TTC7B: variants seen among roughly 807,000 people sequenced by gnomAD.
The protein encoded by TTC7B is tetratricopeptide repeat domain 7B.
In TTC7B, 28 loss-of-function variants were observed where a neutral mutation model predicts 106.8. That is an observed-to-expected ratio of 0.26 (90% confidence interval 0.19 to 0.36). TTC7B has a LOEUF of 0.36. Among genes scored for constraint, TTC7B ranks in the 10% least tolerant of loss-of-function variants. The probability of loss-of-function intolerance (pLI) is 1.00; values close to 1 mark genes in which losing one functional copy is unlikely to be tolerated. For synonymous variants in TTC7B, 405 were observed against 430.6 expected (o/e 0.94, Z 0.74); for missense variants, 862 against 1,076.4 (o/e 0.80, Z 2.79).
At chr14:90,804,229 G>A (rs1252741288) in intron 1 of TTC7B, among the ~76,000 whole-genome samples, 2 of 152,086 alleles carry the variant, frequency 1.3e-5, no homozygotes, top group Non-Finnish European at 2.9e-5. Flanking sequence ...AGCTACTCGG[G>A]AGGCTGAGGC....
At chr14:90,593,836 G>A (rs759282893) in intron 17 of TTC7B, 5 of 444,926 alleles carry the variant, frequency 1.1e-5, no homozygotes, top group Non-Finnish European at 2.0e-5. Flanking sequence ...TCAACAAACA[G>A]AGCACATGCC....
intron 9 of TTC7B, 27 bp from the exon 10 acceptor site, chr14:90,658,414 G>A: frequency 6.3e-7 from 1 of 1,599,504 alleles, no homozygotes; most frequent in Non-Finnish European, 8.6e-7. Flanking sequence ...AACAAATGCA[G>A]ACATCTGAGA....
chr14:90,736,150 C>CTA (rs36062485), intron 4 of TTC7B, among the ~76,000 whole-genome samples: 6,013 of 146,564 alleles, frequency 0.041, 293 homozygotes, highest in African/African-American at 0.12. Flanking sequence ...TAATTTAGAG[C>CTA]TATATATATA....
At chr14:90,598,754 T>C (rs1444191161) in intron 17 of TTC7B, among the ~76,000 whole-genome samples, 1 of 152,240 alleles carries the variant, frequency 6.6e-6, no homozygotes, top group Non-Finnish European at 1.5e-5. Flanking sequence ...ATGACACCTA[T>C]GGTGAATTTC....
At chr14:90,799,941 T>C (rs1394828707) in intron 1 of TTC7B, among the ~76,000 whole-genome samples, 1 of 152,098 alleles carries the variant, frequency 6.6e-6, no homozygotes, top group Non-Finnish European at 1.5e-5. Context: ...GCCATTCTCC[T>C]GCCTCAGCCT....
At chr14:90,703,184 C>T (rs1198697885) in intron 5 of TTC7B, among the ~76,000 whole-genome samples, 1 of 152,152 alleles carries the variant, frequency 6.6e-6, no homozygotes, top group African/African-American at 2.4e-5. Context: ...CAATTAGCTG[C>T]ACAGAACACT....
intron 3 of TTC7B, among the ~76,000 whole-genome samples, chr14:90,756,384 G>GTTTTTTTTTTTTTTTTTTTT (rs369068692): frequency 7.9e-6 from 1 of 126,780 alleles, no homozygotes; most frequent in Non-Finnish European, 1.6e-5. Context: ...TTTTTTTTTT[G>GTTTTTTTTTTTTTTTTTTTT]TTTTTTTTTT....
At chr14:90,716,923 A>AG (rs1888678612) in intron 5 of TTC7B, among the ~76,000 whole-genome samples, 2 of 152,222 alleles carry the variant, frequency 1.3e-5, no homozygotes, top group Admixed American at 1.3e-4. Context: ...AAGAGCTAGC[A>AG]GAAAAAAAGA....
intron 2 of TTC7B, among the ~76,000 whole-genome samples, chr14:90,785,528 G>C (rs1891357091): frequency 6.6e-6 from 1 of 152,088 alleles, no homozygotes; most frequent in African/African-American, 2.4e-5. Context: ...AAGAGGAGAT[G>C]ACCCCCATGA....
At chr14:90,603,928 G>C (rs1892533974) in intron 17 of TTC7B, among the ~76,000 whole-genome samples, 1 of 152,194 alleles carries the variant, frequency 6.6e-6, no homozygotes, top group Admixed American at 6.5e-5. Flanking sequence ...ACTCCCTGAG[G>C]ATGGAAAGAT....
rs1208485832 is a variant in TTC7B, at chr14:90,657,779, AAC to A, written c.1237-503_1237-502del. ...TGGTGTAGCATCTCATTCTCCTGATAACACATCTATGGAGCAGGTGCTGTTCT... is the reference window on the plus strand; with the variant it reads ...TGGTGTAGCATCTCATTCTCCTGATAACATCTATGGAGCAGGTGCTGTTCT... On this transcript the variant is annotated intron_variant, in intron 10 of 19. Coordinates refer to ENST00000328459, the MANE Select transcript of TTC7B (RefSeq NM_001010854.2). This position sits in a 1 kb window ranked among gnomAD's most constrained non-coding sequence, Gnocchi z 4.2. 1 of 181,670 alleles carries A rather than the reference AAC, an allele frequency of 5.5e-6. No individual in the cohort carries two copies. Among genetic ancestry groups the A allele is most frequent in the East Asian group, 1.4e-4 (1 of 7,080 alleles). The allele number at this position is 181,670 out of a possible 1,614,324, so 11.3% of individuals were successfully genotyped here. A position where few individuals can be genotyped will look rare whatever the true frequency, so the allele number is the denominator to read the frequency against.
chr14:90,541,336 C>A lies in TTC7B; in HGVS notation c.*32G>T. 4 of 1,570,808 alleles carry A rather than the reference C, an allele frequency of 2.5e-6. No individual in the cohort carries two copies. Among genetic ancestry groups the A allele is most frequent in the Non-Finnish European group, 3.5e-6 (4 of 1,154,218 alleles). ...TGGTGCCCGGCAGGGCCTCTGAGGCCTGAGCGGCAGGTGAGGCTGGCAGGC... is the reference window on the plus strand; with the variant it reads ...TGGTGCCCGGCAGGGCCTCTGAGGCATGAGCGGCAGGTGAGGCTGGCAGGC... On this transcript the variant is annotated 3_prime_UTR_variant, in exon 20 of 20. Transcript: ENST00000328459.
At chr14:90,734,355 G>A (rs1423771527) in intron 4 of TTC7B, among the ~76,000 whole-genome samples, 1 of 149,700 alleles carries the variant, frequency 6.7e-6, no homozygotes, top group East Asian at 2.0e-4. Context: ...GGGAGGCGGA[G>A]AATGCAGTGA....
intron 17 of TTC7B, among the ~76,000 whole-genome samples, chr14:90,599,443 C>T (rs778387765): frequency 6.6e-6 from 1 of 152,170 alleles, no homozygotes; most frequent in Non-Finnish European, 1.5e-5. Context: ...GACGGACAGC[C>T]ACATTACATG....
intron 15 of TTC7B, among the ~76,000 whole-genome samples, chr14:90,634,724 A>C (rs1344886385): frequency 1.3e-5 from 2 of 152,200 alleles, no homozygotes; most frequent in Admixed American, 6.5e-5. Flanking sequence ...GTGAGCTGAG[A>C]TCATGCCACT....
intron 19 of TTC7B, among the ~76,000 whole-genome samples, chr14:90,546,623 C>T (rs913798796): frequency 6.6e-6 from 1 of 152,242 alleles, no homozygotes; most frequent in African/African-American, 2.4e-5. Context: ...TGCCCCCAAC[C>T]AGCAGCGCTG....
At position 90,695,483 on chromosome 14, in the gene TTC7B, TCACTGTTCA is replaced by T; in HGVS notation, c.777+8_777+16del. On this transcript the variant is annotated splice_region_variant and intron_variant, in intron 6 of 19. Transcript: ENST00000328459. ...AAGTGCCCTGCTGGCCTCAATCAAG[TCACTGTTCA>T]CACTTACCATTCGCAGGTTTTGAGT... 1.3e-6 allele frequency: 2 copies of T among 1,540,548 alleles called. No individual in the cohort carries two copies. Among genetic ancestry groups the T allele is most frequent in the Non-Finnish European group, 1.8e-6 (2 of 1,139,316 alleles).
chr14:90,572,679 G>A (rs1891080499), intron 19 of TTC7B, among the ~76,000 whole-genome samples: 1 of 152,170 alleles, frequency 6.6e-6, no homozygotes, highest in South Asian at 2.1e-4. Flanking sequence ...GAACTAAGAG[G>A]TTTTCTTGTC....
At chr14:90,617,760 C>T (rs1893143167) in intron 16 of TTC7B, among the ~76,000 whole-genome samples, 169 bp downstream of exon 16, 2 of 152,108 alleles carry the variant, frequency 1.3e-5, no homozygotes, top group Admixed American at 1.3e-4. Flanking sequence ...GGAAAACAGC[C>T]CCTTAAACAT....
Sources: allele counts gnomAD v4.1 joint callset (sites outside exome capture counted in the v4.1 genomes callset), GRCh38; gene constraint gnomAD v4.1.1; non-coding constraint Gnocchi (gnomAD v3.1); transcripts MANE v1.5; gene names NCBI Gene and HGNC (gene_info 2026-07-23, HGNC 2026-07-21).